Variants in CADPS2 observed in about 807,000 individuals in gnomAD.
CADPS2 encodes calcium-dependent secretion activator 2.
A neutral mutation model predicts 172.5 loss-of-function variants in CADPS2; 93 were observed. The ratio of observed to expected loss-of-function variants is 0.54; its 90% CI spans 0.46 to 0.64. The LOEUF is 0.64. Ranked by LOEUF, CADPS2 falls within the 30% of genes least tolerant of loss-of-function variation. The pLI is 0.00. For synonymous variants in CADPS2, 546 were observed against 555.2 expected (o/e 0.98, Z 0.23); for missense variants, 1,420 against 1,565.9 (o/e 0.91, Z 1.57).
intron 20 of CADPS2, among the ~76,000 whole-genome samples, chr7:122,399,921 G>A (rs1158437330): frequency 2.0e-5 from 3 of 147,698 alleles, no homozygotes; most frequent in South Asian, 2.1e-4. Context: ...TGATCCGTCC[G>A]CCTCCGCCTC....
chr7:122,439,414 C>T (rs2214572), intron 16 of CADPS2: 62,743 of 151,874 alleles, frequency 0.41, 13,316 homozygotes, highest in African/African-American at 0.5. Context: ...ACAATGCTTT[C>T]GTAAGTGCTC....
intron 17 of CADPS2, among the ~76,000 whole-genome samples, chr7:122,428,561 A>G (rs1031001458): frequency 6.6e-5 from 10 of 150,498 alleles, no homozygotes; most frequent in African/African-American, 2.2e-4. Flanking sequence ...TCTGCCTCCC[A>G]GGTTCAAGCG....
At chr7:122,708,849 GA>G (rs2088130291) in intron 2 of CADPS2, among the ~76,000 whole-genome samples, 3 of 151,868 alleles carry the variant, frequency 2.0e-5, no homozygotes, top group South Asian at 4.2e-4. Flanking sequence ...GTAACGGGGG[GA>G]AAAATTCACA....
At chr7:122,577,469 C>T (rs1020190024) in intron 7 of CADPS2, among the ~76,000 whole-genome samples, 2 of 151,274 alleles carry the variant, frequency 1.3e-5, no homozygotes, top group African/African-American at 2.5e-5. Flanking sequence ...CATTTACATT[C>T]GTCTATGCCA....
intron 2 of CADPS2, among the ~76,000 whole-genome samples, chr7:122,669,355 ATTTT>A (rs34217280): frequency 7.2e-6 from 1 of 139,480 alleles, no homozygotes; most frequent in Non-Finnish European, 1.5e-5. Flanking sequence ...ATATATATAT[ATTTT>A]TTTTTTTTGA....
At chr7:122,517,383 G>C (rs1363125423) in intron 8 of CADPS2, among the ~76,000 whole-genome samples, 4 of 152,064 alleles carry the variant, frequency 2.6e-5, no homozygotes, top group Non-Finnish European at 5.9e-5. Context: ...GTCTTTTTGT[G>C]TAGGCATGTC....
chr7:122,786,642 T>C (rs1169878483), intron 1 of CADPS2, among the ~76,000 whole-genome samples: 1 of 152,200 alleles, frequency 6.6e-6, no homozygotes, highest in East Asian at 1.9e-4. Flanking sequence ...GATGTAAATT[T>C]TTTTACTACT....
At chr7:122,431,156 CT>C (rs2049859683) in intron 17 of CADPS2, among the ~76,000 whole-genome samples, 2 of 152,312 alleles carry the variant, frequency 1.3e-5, no homozygotes, top group East Asian at 3.9e-4. Context: ...GTTTGAAAGA[CT>C]TTTTGCAAGC....
In CADPS2 at chr7:122,624,616, A is replaced by T. The variant is rs145651847; in HGVS notation, c.868-2899T>A. Among the ~76,000 whole-genome samples, 12 of 152,356 alleles carry T rather than the reference A, an allele frequency of 7.9e-5. No homozygotes were observed. The East Asian group carries it at 1.9e-3, about 25-fold the overall frequency. ...TGTTTAAATGTTTTTGCTACAAATT[A>T]GAGCAGATTCAGTTATCCTTACCAT... On this transcript the variant is annotated intron_variant, in intron 4 of 29. Transcript: ENST00000449022.
intron 25 of CADPS2, among the ~76,000 whole-genome samples, chr7:122,369,140 CCCTT>C (rs2041398897): frequency 1.1e-5 from 1 of 87,904 alleles, no homozygotes; most frequent in African/African-American, 4.6e-5. Flanking sequence ...CCCCCCCCCC[CCCTT>C]TTTTTTTTTT....
At chr7:122,335,511 T>A (rs1325993403) in intron 28 of CADPS2, among the ~76,000 whole-genome samples, 1 of 152,164 alleles carries the variant, frequency 6.6e-6, no homozygotes, top group Non-Finnish European at 1.5e-5. Flanking sequence ...TTAATGCCTA[T>A]CTTTAAGTTA....
At chr7:122,658,713 C>T (rs7811425) in intron 3 of CADPS2, among the ~76,000 whole-genome samples, 5 of 152,052 alleles carry the variant, frequency 3.3e-5, no homozygotes, top group Admixed American at 6.6e-5. Context: ...GGAAGGGGAA[C>T]GAAACACACT....
intron 1 of CADPS2, among the ~76,000 whole-genome samples, chr7:122,868,833 A>G (rs1468034640): frequency 6.6e-6 from 1 of 152,204 alleles, no homozygotes; most frequent in Non-Finnish European, 1.5e-5. Flanking sequence ...ACAAACTGAT[A>G]ATTTCAACGA....
intron 7 of CADPS2, among the ~76,000 whole-genome samples, chr7:122,559,626 T>G (rs1173044095): frequency 1.3e-5 from 2 of 151,294 alleles, no homozygotes; most frequent in Non-Finnish European, 3.0e-5. Flanking sequence ...AAAAAATTAG[T>G]CAGGCATGGT....
At chr7:122,385,613 G>T (rs1266168937) in intron 24 of CADPS2, among the ~76,000 whole-genome samples, 1 of 151,972 alleles carries the variant, frequency 6.6e-6, no homozygotes, top group African/African-American at 2.4e-5. Flanking sequence ...TACGCATAAA[G>T]GTTTTCTAAC....
chr7:122,642,841 T>C (rs1021485658), intron 3 of CADPS2, among the ~76,000 whole-genome samples: 6 of 152,134 alleles, frequency 3.9e-5, no homozygotes, highest in Admixed American at 3.9e-4. Context: ...GCACTCTTCC[T>C]TCTCCTACTG....
intron 2 of CADPS2, among the ~76,000 whole-genome samples, chr7:122,680,438 G>A (rs1369806815): frequency 6.6e-6 from 1 of 152,182 alleles, no homozygotes; most frequent in Admixed American, 6.5e-5. Flanking sequence ...ACCAGGCCAG[G>A]CATGGTGGCT....
At chr7:122,678,974 C>T (rs554080808) in intron 2 of CADPS2, among the ~76,000 whole-genome samples, 5 of 152,166 alleles carry the variant, frequency 3.3e-5, no homozygotes, top group African/African-American at 9.6e-5. Context: ...CCGTCATCTT[C>T]GTAAGTTGAG....
chr7:122,547,904 T>G (rs2063789139), intron 8 of CADPS2, among the ~76,000 whole-genome samples: 1 of 152,132 alleles, frequency 6.6e-6, no homozygotes, highest in African/African-American at 2.4e-5. Context: ...GTCTTTAGAA[T>G]GCTAATTTCA....
Sources: gnomAD v4.1 joint callset for allele counts (sites outside exome capture counted in the v4.1 genomes callset) on GRCh38, gnomAD v4.1.1 for gene constraint, MANE v1.5 for transcripts, NCBI Gene and HGNC (gene_info 2026-07-23, HGNC 2026-07-21) for gene names.